The following TDRP variants were observed in gnomAD, a reference collection of about 807,000 sequenced individuals.
TDRP encodes testis development related protein.
Under a neutral mutation model 10.5 loss-of-function variants are expected in TDRP, and 12 were observed. The ratio of observed to expected loss-of-function variants is 1.15; its 90% CI spans 0.73 to 1.86. The LOEUF is 1.86. Among genes scored for constraint, TDRP ranks in the 40% most tolerant of loss-of-function variants. The pLI is 0.00. For missense variants in TDRP, 353 were observed against 229.2 expected, an observed-to-expected ratio of 1.54 and a Z score of -3.49; for synonymous variants, 139 against 95.4, an observed-to-expected ratio of 1.46 and a Z score of -2.67.
chr8:505,003 G>A (rs1801417014), intron 1 of TDRP, among the ~76,000 whole-genome samples: 1 of 152,128 alleles, frequency 6.6e-6, no homozygotes, highest in Non-Finnish European at 1.5e-5. Context: ...AAAGTATTTT[G>A]ATGAAATAAA....
intron 1 of TDRP, among the ~76,000 whole-genome samples, chr8:527,423 T>C (rs1253014030): frequency 6.6e-6 from 1 of 151,866 alleles, no homozygotes; most frequent in Admixed American, 6.6e-5. Flanking sequence ...TCCTAAAATG[T>C]ATATGGAATC....
rs372980587 is a variant in TDRP, at chr8:492,024, C to T, written c.*375G>A. 4 of 1,113,222 alleles carry T rather than the reference C, an allele frequency of 3.6e-6. No individual in the cohort carries two copies. In the East Asian group the frequency reaches 2.1e-4, roughly 59 times the overall value. 69.0% of individuals were successfully genotyped at this position (1,113,222 alleles called of 1,614,324 possible). ...CAGCTGCATTTATACGTGCTACATA[C>T]AAGAAAAAGGTACGGAAGTTCTGAA... On this transcript the variant is annotated 3_prime_UTR_variant, in exon 3 of 3. Coordinates refer to ENST00000324079, the MANE Select transcript of TDRP (RefSeq NM_001384899.1).
At position 492,462 on chromosome 8, in the gene TDRP, C is replaced by T; in HGVS notation, c.495G>A (p.Arg165=). 1 of 1,601,868 alleles carries T rather than the reference C, an allele frequency of 6.2e-7. No homozygotes were observed. Among genetic ancestry groups the T allele is most frequent in the Non-Finnish European group, 8.5e-7 (1 of 1,171,288 alleles). ...TACTCTGCCGTCGGATGCTCACCAG[C>T]CTCCCTGCCGCGCGCAGGCTCCACC... ...SSRWSLRAAG[R]LVSIRRQSKG... is the part of the protein sequence containing the mutation. The change falls in exon 3 of 3, where the codon AGG becomes AGA. Residue 165 remains arginine (R), a synonymous_variant. Transcript: ENST00000324079.
At position 539,336 on chromosome 8, in the gene TDRP, G is replaced by C. The variant is rs527572231; in HGVS notation, c.108+5314C>G. 3.9e-5 allele frequency among the ~76,000 whole-genome samples: 6 copies of C among 152,242 alleles called. No individual in the cohort carries two copies. The South Asian group carries it at 8.3e-4, about 21-fold the overall frequency. On this transcript the variant is annotated intron_variant, in intron 1 of 2. Coordinates refer to ENST00000324079, the MANE Select transcript of TDRP (RefSeq NM_001384899.1). Reference sequence around the variant, plus strand: ...TGAAGGCAGTGGCCTCTGCAAACCAGGAAGCAGCCCCTCACCAAGAACGAA... The same window carrying C: ...TGAAGGCAGTGGCCTCTGCAAACCACGAAGCAGCCCCTCACCAAGAACGAA...
At chr8:530,590 T>A (rs1039538179) in intron 1 of TDRP, among the ~76,000 whole-genome samples, 1 of 152,142 alleles carries the variant, frequency 6.6e-6, no homozygotes, top group African/African-American at 2.4e-5. Flanking sequence ...GTACATGGAA[T>A]GTCCCAATTA....
chr8:532,792 A>C (rs1288926867), intron 1 of TDRP, among the ~76,000 whole-genome samples: 1 of 152,198 alleles, frequency 6.6e-6, no homozygotes, highest in Non-Finnish European at 1.5e-5. Flanking sequence ...GGGTCAGCAA[A>C]TAACGGCCTG....
intron 1 of TDRP, among the ~76,000 whole-genome samples, chr8:503,089 A>T (rs1408665072): frequency 2.6e-5 from 4 of 152,084 alleles, no homozygotes; most frequent in Non-Finnish European, 5.9e-5. Context: ...GCATGTGTCA[A>T]CATGGAATCC....
At chr8:519,373 C>CA (rs927115490) in intron 1 of TDRP, among the ~76,000 whole-genome samples, 121 of 152,194 alleles carry the variant, frequency 8.0e-4, no homozygotes, top group African/African-American at 2.6e-3. Flanking sequence ...TTGGACATGA[C>CA]AGAGAGTCAT....
chr8:523,066 G>C (rs1453353861), intron 1 of TDRP, among the ~76,000 whole-genome samples: 1 of 152,066 alleles, frequency 6.6e-6, no homozygotes, highest in Non-Finnish European at 1.5e-5. Context: ...TGTTAATTAT[G>C]TTCTTTAAGT....
intron 1 of TDRP, among the ~76,000 whole-genome samples, chr8:508,036 G>A (rs909520573): frequency 6.6e-6 from 1 of 152,190 alleles, no homozygotes; most frequent in Admixed American, 6.5e-5. Flanking sequence ...TGCCAGATCT[G>A]TGGATTTAAC....
chr8:494,716 T>C, intron 1 of TDRP, 119 bp from the exon 2 acceptor site: 3 of 808,958 alleles, frequency 3.7e-6, no homozygotes, highest in Admixed American at 2.3e-5. Flanking sequence ...GCTTACATCT[T>C]AGCTTTCCAT....
At chr8:512,519 A>G (rs900634333) in intron 1 of TDRP, among the ~76,000 whole-genome samples, 3 of 152,216 alleles carry the variant, frequency 2.0e-5, no homozygotes, top group African/African-American at 7.2e-5. Flanking sequence ...ATCAGAAATG[A>G]AAGAGGAGAC....
chr8:530,097 G>C (rs1226125421), intron 1 of TDRP, among the ~76,000 whole-genome samples: 1 of 151,678 alleles, frequency 6.6e-6, no homozygotes, highest in Non-Finnish European at 1.5e-5. Context: ...ATGAGCTGTT[G>C]AGTTTGACGA....
intron 1 of TDRP, among the ~76,000 whole-genome samples, chr8:521,464 G>C (rs566996953): frequency 3.3e-5 from 5 of 152,108 alleles, no homozygotes; most frequent in South Asian, 2.1e-4. Flanking sequence ...TGAATATCCA[G>C]TTTTCCCAAC....
chr8:505,726 G>A (rs142742382), intron 1 of TDRP, among the ~76,000 whole-genome samples: 19 of 152,306 alleles, frequency 1.2e-4, no homozygotes, highest in African/African-American at 4.3e-4. Flanking sequence ...TACTCTCACA[G>A]CCCAGGCTTG....
rs747876547 is a variant in TDRP at position 492,392 on chromosome 8, G to GC, written c.*6dup. The GC allele has an allele frequency of 3.5e-5, 53 of 1,509,054 alleles. No homozygotes were observed. Among genetic ancestry groups the GC allele is most frequent in the South Asian group, 1.4e-4 (10 of 72,714 alleles). 93.5% of individuals were successfully genotyped at this position (1,509,054 alleles called of 1,614,324 possible). On this transcript the variant is annotated 3_prime_UTR_variant, in exon 3 of 3. Transcript: ENST00000324079. Reference sequence around the variant, plus strand: ...CATGTCGGGGCACACTTGCCACGCAGCCCCCCTCACTCCGCCTCCTCCGGG... The same window carrying GC: ...CATGTCGGGGCACACTTGCCACGCAGCCCCCCCTCACTCCGCCTCCTCCGGG...
intron 1 of TDRP, among the ~76,000 whole-genome samples, chr8:498,164 G>A (rs925600889): frequency 7.9e-5 from 12 of 152,028 alleles, no homozygotes; most frequent in Admixed American, 1.3e-4. Flanking sequence ...GAGGGCCACC[G>A]TCTTCTCAGA....
At position 490,354 on chromosome 8, in the gene TDRP, A is replaced by T. The variant is rs553343770; in HGVS notation, c.*2045T>A. 6.6e-6 allele frequency: 1 copy of T among 152,346 alleles called. No homozygotes were observed. Among genetic ancestry groups the T allele is most frequent in the African/African-American group, 2.4e-5 (1 of 41,580 alleles). The allele number at this position is 152,346 out of a possible 1,614,324, so 9.4% of individuals were successfully genotyped here. On this transcript the variant is annotated 3_prime_UTR_variant, in exon 3 of 3. Transcript: ENST00000324079. The stretch of plus-strand genomic sequence containing the variant: ...TCTGGGTTTGTCCTCAAATTTTGAG[A>T]AATAGCATAAAGAACTATTTTGCCA...
chr8:491,774 TC>T lies in TDRP; in HGVS notation c.*624del. The T allele has an allele frequency of 7.5e-7, 1 of 1,340,886 alleles. No individual in the cohort carries two copies. Among genetic ancestry groups the T allele is most frequent in the Non-Finnish European group, 9.5e-7 (1 of 1,051,864 alleles). 83.1% of individuals were successfully genotyped at this position (1,340,886 alleles called of 1,614,324 possible). ...TTCCAAAAAAGAACCACTGTTACTA[TC>T]CAGTGGACATACAAGAAGCTATTCC... On this transcript the variant is annotated 3_prime_UTR_variant, in exon 3 of 3. Transcript: ENST00000324079.
Sources: gnomAD v4.1 joint callset for allele counts (sites outside exome capture counted in the v4.1 genomes callset) on GRCh38, gnomAD v4.1.1 for gene constraint, MANE v1.5 for transcripts, NCBI Gene and HGNC (gene_info 2026-07-23, HGNC 2026-07-21) for gene names.